COL4A4: variants seen among roughly 807,000 people sequenced by gnomAD.
The protein encoded by COL4A4 is collagen type IV alpha 4 chain.
A neutral mutation model predicts 192.9 loss-of-function variants in COL4A4; 105 were observed. The ratio of observed to expected loss-of-function variants is 0.54; its 90% CI spans 0.46 to 0.64. COL4A4 has a LOEUF of 0.64. Among genes scored for constraint, COL4A4 ranks in the 30% least tolerant of loss-of-function variants. The probability of loss-of-function intolerance (pLI) is 0.00; values close to 1 mark genes in which losing one functional copy is unlikely to be tolerated. For synonymous variants in COL4A4, 762 were observed against 769.9 expected, an observed-to-expected ratio of 0.99 and a Z score of 0.17; for missense variants, 1,967 against 2,169.3, an observed-to-expected ratio of 0.91 and a Z score of 1.85.
At position 227,098,699 on chromosome 2, in the gene COL4A4, C is replaced by G. The variant is rs2060340068; in HGVS notation, c.1199G>C (p.Cys400Ser). 6.2e-7 allele frequency: 1 copy of G among 1,613,658 alleles called. No homozygotes were observed. The highest frequency in any genetic ancestry group is 1.1e-5 in the South Asian group (1 of 91,070). The change falls in exon 19 of 48, where the codon TGT becomes TCT. Residue 400 changes from cysteine to serine, a missense_variant. By Grantham distance (112) the Cys-to-Ser change is moderately radical (BLOSUM62 -1). Coordinates refer to ENST00000396625, the MANE Select transcript of COL4A4 (RefSeq NM_000092.5). ...GCACATCAGGGCATCCGTACCTGCA[C>G]AGGCTTCCCCTGGTCTGCCCAAGAG... ...PGLLGRPGEA[C>S]AGMIGPPGPQ...
intron 1 of COL4A4, among the ~76,000 whole-genome samples, chr2:227,161,163 T>A (rs1223457008): frequency 6.6e-6 from 1 of 152,210 alleles, no homozygotes; most frequent in Non-Finnish European, 1.5e-5. Flanking sequence ...TTTCATTAAT[T>A]CATTCAGGAA....
chr2:226,977,719 A>C, the COL4A4 span, among the ~76,000 whole-genome samples: 1 of 152,326 alleles, frequency 6.6e-6, no homozygotes, highest in East Asian at 1.9e-4. Context: ...TCAGGCTGCA[A>C]ATATGTCAAG....
chr2:227,080,090 C>A (rs1559568123), intron 24 of COL4A4, among the ~76,000 whole-genome samples: 1 of 152,122 alleles, frequency 6.6e-6, no homozygotes. Context: ...AACATCGGGA[C>A]CCGAGCTCCA....
At chr2:227,100,857 T>A (rs746142619) in intron 17 of COL4A4, among the ~76,000 whole-genome samples, 3 of 151,218 alleles carry the variant, frequency 2.0e-5, no homozygotes, top group Non-Finnish European at 4.4e-5. Flanking sequence ...CAGGATGGAG[T>A]GCAGTGGTGT....
At chr2:226,973,458 G>A in the COL4A4 span, among the ~76,000 whole-genome samples, 2 of 152,182 alleles carry the variant, frequency 1.3e-5, no homozygotes, top group African/African-American at 4.8e-5. Flanking sequence ...TTCCTCATTG[G>A]CTTTGCCATT....
At chr2:227,041,868 A>AGAGAGAGAG (rs1559478788) in intron 37 of COL4A4, among the ~76,000 whole-genome samples, 1 of 120,718 alleles carries the variant, frequency 8.3e-6, no homozygotes, top group Admixed American at 8.1e-5. Context: ...GAAAGAAAGA[A>AGAGAGAGAG]AGAAAGAAAG....
At chr2:227,060,101 GAA>G (rs71422223) in intron 27 of COL4A4, 33 bp downstream of exon 27, 1,660 of 504,488 alleles carry the variant, frequency 3.3e-3, no homozygotes, top group East Asian at 5.8e-3. Context: ...TCCCAAAGCA[GAA>G]AAAAAAAAAA....
At chr2:226,999,274 A>G (rs1435326601), downstream of COL4A4, 1 of 152,176 alleles carries the variant, frequency 6.6e-6, no homozygotes, top group Non-Finnish European at 1.5e-5. Flanking sequence ...GCTTATTGAT[A>G]TCATTGTAGG....
At chr2:227,138,113 C>G (rs541084119) in intron 4 of COL4A4, among the ~76,000 whole-genome samples, 1 of 147,052 alleles carries the variant, frequency 6.8e-6, no homozygotes, top group Non-Finnish European at 1.5e-5. Flanking sequence ...CTGAGAAACA[C>G]AGCAAGACTC....
intron 16 of COL4A4, 66 bp from the exon 17 acceptor site, chr2:227,101,623 A>G: frequency 6.8e-7 from 1 of 1,479,202 alleles, no homozygotes; most frequent in African/African-American, 1.4e-5. Flanking sequence ...TCTCATTCTC[A>G]TTTAATTTAA....
At chr2:227,080,644 G>T in intron 23 of COL4A4, 95 bp from the exon 24 acceptor site, 1 of 1,100,646 alleles carries the variant, frequency 9.1e-7, no homozygotes, top group Non-Finnish European at 1.4e-6. Flanking sequence ...CCTTGATTCT[G>T]GGTTGGTAGT....
intron 4 of COL4A4, among the ~76,000 whole-genome samples, chr2:227,128,341 T>C (rs1345234193): frequency 2.0e-5 from 3 of 152,258 alleles, no homozygotes; most frequent in South Asian, 4.1e-4. Flanking sequence ...ACACTCAATG[T>C]TCTTTTATAA....
intron 15 of COL4A4, among the ~76,000 whole-genome samples, chr2:227,102,484 A>G (rs1012693205): frequency 6.6e-6 from 1 of 152,186 alleles, no homozygotes; most frequent in Non-Finnish European, 1.5e-5. Flanking sequence ...TGTTTCCTCA[A>G]ATAGACTTAA....
At chr2:227,104,183 A>G in intron 12 of COL4A4, 131 bp from the exon 13 acceptor site, 1 of 767,046 alleles carries the variant, frequency 1.3e-6, no homozygotes, top group Non-Finnish European at 2.3e-6. Context: ...TGGCAAGTAC[A>G]TCATAGAATA....
the COL4A4 span, among the ~76,000 whole-genome samples, chr2:226,975,169 C>T: frequency 6.6e-6 from 1 of 152,072 alleles, no homozygotes; most frequent in East Asian, 1.9e-4. Flanking sequence ...TATGGTGCCC[C>T]AGAATGATAA....
the COL4A4 span, among the ~76,000 whole-genome samples, chr2:226,970,974 C>T: frequency 1.4e-4 from 22 of 152,222 alleles, no homozygotes; most frequent in African/African-American, 4.6e-4. Flanking sequence ...CCACAGATCC[C>T]GTGTATAATA....
intron 8 of COL4A4, among the ~76,000 whole-genome samples, chr2:227,112,516 G>A (rs944136887): frequency 7.2e-5 from 11 of 152,268 alleles, no homozygotes; most frequent in Admixed American, 2.6e-4. Flanking sequence ...TAATCCACCC[G>A]CCTTGGCCTT....
chr2:227,032,306 A>G, intron 38 of COL4A4, 30 bp from the exon 39 acceptor site: 1 of 1,597,368 alleles, frequency 6.3e-7, no homozygotes, highest in Non-Finnish European at 8.5e-7. Flanking sequence ...TTAATACTAT[A>G]TCTTCTCTTT....
In COL4A4 at chr2:227,074,784, A is replaced by C. The variant is rs1233801271; in HGVS notation, c.1987+3110T>G. On this transcript the variant is annotated intron_variant, in intron 25 of 47. Coordinates refer to ENST00000396625, the MANE Select transcript of COL4A4 (RefSeq NM_000092.5). Reference sequence around the variant, plus strand: ...GATGGAGCTGGAGGCCATAATTATAAATGAAGTAACACAGGAGTGGAAAAC... The same window carrying C: ...GATGGAGCTGGAGGCCATAATTATACATGAAGTAACACAGGAGTGGAAAAC... 2.0e-5 allele frequency among the ~76,000 whole-genome samples: 3 copies of C among 152,310 alleles called. No homozygotes were observed. In the East Asian group the frequency reaches 5.8e-4, roughly 29 times the overall value.
Sources: allele counts gnomAD v4.1 joint callset (sites outside exome capture counted in the v4.1 genomes callset), GRCh38; gene constraint gnomAD v4.1.1; transcripts MANE v1.5; gene names NCBI Gene and HGNC (gene_info 2026-07-23, HGNC 2026-07-21).